The following ARHGAP26 variants were observed in gnomAD, a reference collection of about 807,000 sequenced individuals.
ARHGAP26 encodes rho GTPase-activating protein 26.
A neutral mutation model predicts 104.8 loss-of-function variants in ARHGAP26; 38 were observed. The observed-to-expected ratio is 0.36, with a 90% CI of 0.28 to 0.48. The LOEUF (loss-of-function observed/expected upper bound fraction) is 0.48, where lower values mean the gene tolerates loss of function less well. Among genes scored for constraint, ARHGAP26 ranks in the 20% least tolerant of loss-of-function variants. The pLI, the probability that ARHGAP26 is intolerant of heterozygous loss-of-function variation, is 0.99. For missense variants in ARHGAP26, 704 were observed against 947.9 expected (o/e 0.74, Z 3.38); for synonymous variants, 341 against 340.0 (o/e 1.00, Z -0.03).
At chr5:142,773,192 A>T (rs982849965) in intron 1 of ARHGAP26, among the ~76,000 whole-genome samples, 30 of 152,158 alleles carry the variant, frequency 2.0e-4, no homozygotes, top group African/African-American at 7.2e-4. Context: ...ATGTTTGTGT[A>T]TTATTTTTCT....
intron 11 of ARHGAP26, among the ~76,000 whole-genome samples, chr5:142,998,198 A>G (rs1319215430): frequency 6.6e-6 from 1 of 152,152 alleles, no homozygotes; most frequent in Non-Finnish European, 1.5e-5. Flanking sequence ...TCATATTTAT[A>G]TTTATGATTG....
intron 1 of ARHGAP26, among the ~76,000 whole-genome samples, chr5:142,839,240 A>C (rs1016428396): frequency 3.3e-5 from 5 of 152,122 alleles, no homozygotes; most frequent in African/African-American, 4.8e-5. Flanking sequence ...TGCTGTAATT[A>C]AGATTTGATT....
chr5:142,837,079 C>T (rs990943219), intron 1 of ARHGAP26, among the ~76,000 whole-genome samples: 1 of 152,206 alleles, frequency 6.6e-6, no homozygotes, highest in Non-Finnish European at 1.5e-5. Context: ...AATTCATTAT[C>T]TGGAACTTCT....
At chr5:142,800,585 A>T (rs548226051) in intron 1 of ARHGAP26, among the ~76,000 whole-genome samples, 1 of 151,172 alleles carries the variant, frequency 6.6e-6, no homozygotes, top group Admixed American at 6.6e-5. Context: ...CTGGTCTCTA[A>T]CTCCTGACCT....
intron 20 of ARHGAP26, among the ~76,000 whole-genome samples, chr5:143,195,966 G>A (rs555974688): frequency 1.5e-4 from 23 of 152,102 alleles, no homozygotes; most frequent in African/African-American, 5.3e-4. Context: ...AACCTCAAGC[G>A]ACTCTAAAAA....
At chr5:143,005,008 G>T (rs771033789) in intron 11 of ARHGAP26, among the ~76,000 whole-genome samples, 3 of 152,052 alleles carry the variant, frequency 2.0e-5, no homozygotes, top group African/African-American at 4.8e-5. Context: ...ACAGTTTCTC[G>T]TTCAACTTTG....
At chr5:143,136,724 G>A (rs934617519) in intron 19 of ARHGAP26, among the ~76,000 whole-genome samples, 1 of 152,174 alleles carries the variant, frequency 6.6e-6, no homozygotes, top group Non-Finnish European at 1.5e-5. Context: ...ACCCGTCACT[G>A]TCGGGTGAGC....
intron 17 of ARHGAP26, among the ~76,000 whole-genome samples, chr5:143,101,373 C>T (rs1445649326): frequency 6.6e-6 from 1 of 152,146 alleles, no homozygotes; most frequent in African/African-American, 2.4e-5. Flanking sequence ...AGGGTTGTGG[C>T]CCCATACACC....
chr5:142,843,408 C>G (rs1041985737), intron 1 of ARHGAP26, among the ~76,000 whole-genome samples: 1 of 152,158 alleles, frequency 6.6e-6, no homozygotes, highest in Non-Finnish European at 1.5e-5. Context: ...AAAGATGATA[C>G]CTTTGATTGC....
chr5:143,067,761 TA>T lies in ARHGAP26; in HGVS notation c.1538+10017del, dbSNP rs1787710073. ...GGGTAGAATAGGGTCACTATTTTAT[TA>T]AAGTCAGATATTCCATGAGAAAATG... On this transcript the variant is annotated intron_variant, in intron 17 of 22. Transcript: ENST00000645722. Among the ~76,000 whole-genome samples, 3 of 152,352 alleles carry T rather than the reference TA, an allele frequency of 2.0e-5. No individual in the cohort carries two copies. In the South Asian group the frequency reaches 6.2e-4, roughly 32 times the overall value.
chr5:142,875,411 CT>C (rs1479360968), intron 3 of ARHGAP26, among the ~76,000 whole-genome samples: 4 of 152,114 alleles, frequency 2.6e-5, no homozygotes, highest in African/African-American at 9.7e-5. Flanking sequence ...ATTTTAAGGT[CT>C]TTTCATAAGG....
chr5:142,922,717 T>C (rs1464082076), intron 10 of ARHGAP26, among the ~76,000 whole-genome samples: 1 of 152,228 alleles, frequency 6.6e-6, no homozygotes, highest in Non-Finnish European at 1.5e-5. Context: ...TTCACTGTCC[T>C]GTGTGTGCTG....
rs542453811 is a variant in ARHGAP26, at chr5:142,912,058, G to A, written c.934-1141G>A. Among the ~76,000 whole-genome samples the A allele has an allele frequency of 1.2e-4, 18 of 152,282 alleles. No homozygotes were observed. The South Asian group carries it at 3.5e-3, about 30-fold the overall frequency. On this transcript the variant is annotated intron_variant, in intron 9 of 22. Transcript: ENST00000645722. ...GCAAGCTTGCTAATTTCCCCTGTTA[G>A]TTTAGATAAAAAAGATTGACAGAGG...
chr5:142,815,124 C>T (rs935574306), intron 1 of ARHGAP26, among the ~76,000 whole-genome samples: 2 of 152,198 alleles, frequency 1.3e-5, no homozygotes, highest in African/African-American at 4.8e-5. Flanking sequence ...CCTCAGCCTC[C>T]CAAGTAGCTG....
chr5:142,783,971 T>C lies in ARHGAP26; in HGVS notation c.154+13056T>C, dbSNP rs978283554. 6.6e-5 allele frequency among the ~76,000 whole-genome samples: 10 copies of C among 152,164 alleles called. No homozygotes were observed. In the East Asian group the frequency reaches 1.7e-3, roughly 26 times the overall value. On this transcript the variant is annotated intron_variant, in intron 1 of 22. Coordinates refer to ENST00000645722, the MANE Select transcript of ARHGAP26 (RefSeq NM_001135608.3). ...ACCCCTGCTGTGGACAATATGTCAT[T>C]GTGGAGGCCAGGGCAGGCACTGGAG...
chr5:143,101,056 A>G (rs1012284996), intron 17 of ARHGAP26, among the ~76,000 whole-genome samples: 49 of 152,160 alleles, frequency 3.2e-4, no homozygotes, highest in African/African-American at 1.0e-3. Context: ...TTGTGTCACT[A>G]CACTCCAGCC....
chr5:143,019,240 A>G (rs1444080340), intron 12 of ARHGAP26, among the ~76,000 whole-genome samples: 2 of 152,174 alleles, frequency 1.3e-5, no homozygotes, highest in Admixed American at 6.5e-5. Flanking sequence ...AATAAAGAAG[A>G]AGAAAGTATG....
At chr5:143,077,130 G>A (rs1742211536) in intron 17 of ARHGAP26, among the ~76,000 whole-genome samples, 2 of 152,218 alleles carry the variant, frequency 1.3e-5, no homozygotes, top group Non-Finnish European at 2.9e-5. Context: ...GAATACTTCA[G>A]ATGGCACTTA....
chr5:142,883,750 C>T (rs1377246095), intron 4 of ARHGAP26, among the ~76,000 whole-genome samples: 1 of 152,226 alleles, frequency 6.6e-6, no homozygotes, highest in Non-Finnish European at 1.5e-5. Context: ...GATGCCTTTC[C>T]TGGGTGCCCT....
Sources: gnomAD v4.1 joint callset for allele counts (sites outside exome capture counted in the v4.1 genomes callset) on GRCh38, gnomAD v4.1.1 for gene constraint, MANE v1.5 for transcripts, NCBI Gene and HGNC (gene_info 2026-07-23, HGNC 2026-07-21) for gene names.